Variants in FGF1 observed in about 807,000 individuals in gnomAD.
FGF1 encodes the protein fibroblast growth factor 1.
In FGF1, 9 loss-of-function variants were observed where a neutral mutation model predicts 13.4. The ratio of observed to expected loss-of-function variants is 0.67; its 90% CI spans 0.40 to 1.17. The LOEUF is 1.17. Among genes scored for constraint, FGF1 ranks in the 50% most tolerant of loss-of-function variants. The pLI is 0.01. For missense variants in FGF1, 156 were observed against 192.7 expected (o/e 0.81, Z 1.13); for synonymous variants, 93 against 79.0 (o/e 1.18, Z -0.94).
chr5:142,696,392 A>G (rs971274993), intron 2 of FGF1, among the ~76,000 whole-genome samples: 12 of 152,260 alleles, frequency 7.9e-5, no homozygotes, highest in African/African-American at 2.6e-4. Flanking sequence ...ACACCCCTTC[A>G]TTGCTTTCAG....
intron 1 of FGF1, among the ~76,000 whole-genome samples, chr5:142,635,011 C>T (rs536249803): frequency 3.0e-4 from 46 of 152,134 alleles, no homozygotes; most frequent in African/African-American, 1.0e-3. Context: ...ATTTGGAGTA[C>T]TTCTTTTGAT....
At chr5:142,657,631 A>C (rs1307384378) in intron 1 of FGF1, among the ~76,000 whole-genome samples, 9 of 152,142 alleles carry the variant, frequency 5.9e-5, no homozygotes, top group African/African-American at 2.2e-4. Context: ...CCCCCAGGAG[A>C]CCTGGTCCAC....
At chr5:142,664,911 GT>G (rs1487347770) in intron 1 of FGF1, among the ~76,000 whole-genome samples, 1 of 152,172 alleles carries the variant, frequency 6.6e-6, no homozygotes, top group Non-Finnish European at 1.5e-5. Flanking sequence ...AACTCATAGG[GT>G]TATTTTGAGG....
At chr5:142,599,462 G>A (rs1756001759) in intron 3 of FGF1, among the ~76,000 whole-genome samples, 1 of 152,172 alleles carries the variant, frequency 6.6e-6, no homozygotes, top group Non-Finnish European at 1.5e-5. Context: ...GATGTAAGTT[G>A]AAGCTCCAGA....
chr5:142,607,889 C>T (rs908388165), intron 2 of FGF1, among the ~76,000 whole-genome samples: 1 of 152,130 alleles, frequency 6.6e-6, no homozygotes, highest in African/African-American at 2.4e-5. Context: ...TGTGCTAGCC[C>T]GCAACTCACT....
chr5:142,638,811 C>T (rs1309832613), intron 1 of FGF1, among the ~76,000 whole-genome samples: 1 of 151,892 alleles, frequency 6.6e-6, no homozygotes, highest in Non-Finnish European at 1.5e-5. Context: ...ATATAAGGAA[C>T]CCAAACAACT....
intron 3 of FGF1, among the ~76,000 whole-genome samples, chr5:142,598,006 C>A (rs932824510): frequency 6.6e-6 from 1 of 152,150 alleles, no homozygotes; most frequent in Non-Finnish European, 1.5e-5. Context: ...GGGTGAGACA[C>A]TTTAGATCAT....
intron 1 of FGF1, among the ~76,000 whole-genome samples, chr5:142,620,234 A>G (rs796639331): frequency 1.4e-4 from 21 of 152,102 alleles, no homozygotes; most frequent in African/African-American, 4.6e-4. Context: ...TGGCTAACAC[A>G]GTGAAACCCT....
intron 1 of FGF1, among the ~76,000 whole-genome samples, chr5:142,642,935 C>A (rs1024112235): frequency 6.6e-6 from 1 of 152,158 alleles, no homozygotes; most frequent in Non-Finnish European, 1.5e-5. Context: ...TGGAATAAAT[C>A]TCTCCTAATA....
At chr5:142,660,181 G>A (rs1768953532) in intron 1 of FGF1, among the ~76,000 whole-genome samples, 1 of 152,252 alleles carries the variant, frequency 6.6e-6, no homozygotes, top group Non-Finnish European at 1.5e-5. Context: ...CTCATCCGGG[G>A]TGAGAATTAA....
intron 1 of FGF1, among the ~76,000 whole-genome samples, chr5:142,660,885 G>C (rs1489849354): frequency 2.0e-5 from 3 of 152,180 alleles, no homozygotes; most frequent in Non-Finnish European, 4.4e-5. Context: ...GGTTGAGCCA[G>C]CTGTCTTCTT....
chr5:142,644,984 T>C (rs552854708), intron 1 of FGF1, among the ~76,000 whole-genome samples: 138 of 152,292 alleles, frequency 9.1e-4, no homozygotes, highest in African/African-American at 3.2e-3. Flanking sequence ...TCAGATTTCT[T>C]TTAGGCTTTG....
chr5:142,640,430 G>GGA (rs566869805), intron 1 of FGF1, among the ~76,000 whole-genome samples: 3 of 150,250 alleles, frequency 2.0e-5, no homozygotes, highest in Non-Finnish European at 3.0e-5. Flanking sequence ...GTATGGTGGG[G>GGA]GGGGGGGTCT....
chr5:142,621,743 C>T (rs1761668027), intron 1 of FGF1, among the ~76,000 whole-genome samples: 1 of 152,204 alleles, frequency 6.6e-6, no homozygotes, highest in Non-Finnish European at 1.5e-5. Context: ...GCCCTTACTC[C>T]CCCTCTGCCT....
chr5:142,690,110 A>C (rs1158539365), upstream of FGF1, among the ~76,000 whole-genome samples: 1 of 149,456 alleles, frequency 6.7e-6, no homozygotes, highest in African/African-American at 2.4e-5. Flanking sequence ...TCAAGAGGTC[A>C]GGAGATCGAG....
At chr5:142,662,303 G>T (rs1040231107) in intron 1 of FGF1, among the ~76,000 whole-genome samples, 7 of 152,136 alleles carry the variant, frequency 4.6e-5, no homozygotes, top group African/African-American at 1.7e-4. Context: ...TTCTCACCTC[G>T]TTCACTAATA....
At chr5:142,613,812 G>A (rs184872509) in intron 2 of FGF1, 147 bp downstream of exon 2, 11 of 777,242 alleles carry the variant, frequency 1.4e-5, no homozygotes, top group East Asian at 8.6e-5. Flanking sequence ...GACATTTTAC[G>A]CATTTATGTG....
At chr5:142,626,348 A>T (rs566687157) in intron 1 of FGF1, among the ~76,000 whole-genome samples, 1 of 152,280 alleles carries the variant, frequency 6.6e-6, no homozygotes, top group South Asian at 2.1e-4. Flanking sequence ...GAGGCTCAGA[A>T]AGTTTATGTC....
intron 1 of FGF1, among the ~76,000 whole-genome samples, chr5:142,618,924 G>GTTTTTTTTTTTTTT (rs1187824250): frequency 1.3e-5 from 1 of 78,324 alleles, no homozygotes; most frequent in African/African-American, 4.7e-5. Context: ...TTTTTTAGTT[G>GTTTTTTTTTTTTTT]TTTTGTTTTT....
Sources: allele counts gnomAD v4.1 joint callset (sites outside exome capture counted in the v4.1 genomes callset), GRCh38; gene constraint gnomAD v4.1.1; transcripts MANE v1.5; gene names NCBI Gene and HGNC (gene_info 2026-07-23, HGNC 2026-07-21).